SH3GL2: variants seen among roughly 807,000 people sequenced by gnomAD.
The protein encoded by SH3GL2 is endophilin-A1.
Under a neutral mutation model 46.0 loss-of-function variants are expected in SH3GL2, and 24 were observed. That is an observed-to-expected ratio of 0.52 (90% CI 0.38 to 0.73). The LOEUF is 0.73. Among genes scored for constraint, SH3GL2 ranks in the 30% least tolerant of loss-of-function variants. The probability of loss-of-function intolerance (pLI) is 0.00; values close to 1 mark genes in which losing one functional copy is unlikely to be tolerated. For missense variants in SH3GL2, 413 were observed against 424.2 expected (o/e 0.97, Z 0.23); for synonymous variants, 196 against 147.1 (o/e 1.33, Z -2.40).
intron 1 of SH3GL2, among the ~76,000 whole-genome samples, chr9:17,690,753 A>T (rs1287366797): frequency 6.6e-6 from 1 of 152,156 alleles, no homozygotes; most frequent in African/African-American, 2.4e-5. Flanking sequence ...AGGGGCACCT[A>T]TGTGAATAAA....
chr9:17,580,869 A>G (rs1291998731), intron 1 of SH3GL2, among the ~76,000 whole-genome samples: 4 of 152,166 alleles, frequency 2.6e-5, no homozygotes, highest in Non-Finnish European at 2.9e-5. Context: ...CTTGGATTCT[A>G]AAGATTTCTT....
At chr9:17,730,148 A>T (rs551519190) in intron 1 of SH3GL2, among the ~76,000 whole-genome samples, 1 of 152,008 alleles carries the variant, frequency 6.6e-6, no homozygotes, top group Non-Finnish European at 1.5e-5. Flanking sequence ...GAGCAGTGTC[A>T]TGTACTTCTC....
chr9:17,779,568 T>A (rs1227877157), intron 3 of SH3GL2, among the ~76,000 whole-genome samples: 1 of 152,244 alleles, frequency 6.6e-6, no homozygotes, highest in East Asian at 1.9e-4. Context: ...AAGATTAAGG[T>A]AAATTGTTTG....
chr9:17,727,538 C>G (rs1283398590), intron 1 of SH3GL2, among the ~76,000 whole-genome samples: 1 of 152,180 alleles, frequency 6.6e-6, no homozygotes, highest in African/African-American at 2.4e-5. Flanking sequence ...AGACAGCTCC[C>G]TGAAGGCCAC....
At chr9:17,676,403 C>G (rs1459022331) in intron 1 of SH3GL2, among the ~76,000 whole-genome samples, 1 of 152,094 alleles carries the variant, frequency 6.6e-6, no homozygotes. Flanking sequence ...GTTAGGAGTT[C>G]AAGACCAGCC....
chr9:17,749,441 C>G (rs977067284), intron 2 of SH3GL2, among the ~76,000 whole-genome samples: 1 of 152,156 alleles, frequency 6.6e-6, no homozygotes, highest in Non-Finnish European at 1.5e-5. Context: ...TACTTTGATG[C>G]TCCTCCTTCC....
At chr9:17,679,706 G>C (rs149417659) in intron 1 of SH3GL2, among the ~76,000 whole-genome samples, 4,212 of 152,164 alleles carry the variant, frequency 0.028, 78 homozygotes, top group African/African-American at 0.034. Context: ...TGTCTTGTGC[G>C]AGTTTTCAAA....
chr9:17,751,312 T>A (rs1447828049), intron 2 of SH3GL2, among the ~76,000 whole-genome samples: 2 of 152,154 alleles, frequency 1.3e-5, no homozygotes, highest in African/African-American at 2.4e-5. Flanking sequence ...GTCATTATCT[T>A]CATACACTCA....
chr9:17,673,141 C>T (rs181103335), intron 1 of SH3GL2, among the ~76,000 whole-genome samples: 6 of 150,590 alleles, frequency 4.0e-5, no homozygotes, highest in Non-Finnish European at 7.4e-5. Context: ...CTCACCTTGA[C>T]TTTTTTTTTG....
intron 1 of SH3GL2, among the ~76,000 whole-genome samples, chr9:17,670,167 G>C (rs115366256): frequency 0.028 from 4,315 of 152,156 alleles, 189 homozygotes; most frequent in African/African-American, 0.099. Context: ...TGCTCAAAAA[G>C]GGGAGGTAGA....
At chr9:17,618,318 T>C (rs1000774259) in intron 1 of SH3GL2, among the ~76,000 whole-genome samples, 1 of 152,102 alleles carries the variant, frequency 6.6e-6, no homozygotes, top group Non-Finnish European at 1.5e-5. Context: ...AGTACCTCCA[T>C]TGATATACCC....
chr9:17,751,942 A>G (rs1327135528), intron 2 of SH3GL2, among the ~76,000 whole-genome samples: 1 of 152,178 alleles, frequency 6.6e-6, no homozygotes, highest in Non-Finnish European at 1.5e-5. Flanking sequence ...AAATTCAGTG[A>G]TGACAAGCTT....
intron 1 of SH3GL2, among the ~76,000 whole-genome samples, chr9:17,695,619 G>A (rs1253520621): frequency 6.6e-6 from 1 of 152,030 alleles, no homozygotes; most frequent in Admixed American, 6.6e-5. Context: ...GACTTTCTCT[G>A]TAAAAAGCCC....
intron 1 of SH3GL2, among the ~76,000 whole-genome samples, chr9:17,626,040 C>T (rs191178900): frequency 4.3e-4 from 65 of 152,310 alleles, no homozygotes; most frequent in African/African-American, 1.4e-3. Flanking sequence ...TCTTCCCTAC[C>T]TGAGCTGATG....
rs575067528 is a variant in SH3GL2 at position 17,772,015 on chromosome 9, C to T, written c.187+10506C>T. Reference sequence around the variant, plus strand: ...CTCATTACAGTATAACTCTTTCTGTCATTTCGTAATTGTTAGTGTGCAAAA... The same window carrying T: ...CTCATTACAGTATAACTCTTTCTGTTATTTCGTAATTGTTAGTGTGCAAAA... On this transcript the variant is annotated intron_variant, in intron 3 of 8. Transcript: ENST00000380607. 4.6e-5 allele frequency among the ~76,000 whole-genome samples: 7 copies of T among 152,244 alleles called. No homozygotes were observed. In the East Asian group the frequency reaches 1.4e-3, roughly 29 times the overall value.
At chr9:17,722,700 A>G (rs1281197845) in intron 1 of SH3GL2, among the ~76,000 whole-genome samples, 1 of 152,058 alleles carries the variant, frequency 6.6e-6, no homozygotes, top group African/African-American at 2.4e-5. Context: ...CGGAGTTTAC[A>G]TACCTCTGGA....
At chr9:17,760,745 A>C (rs1823146130) in intron 2 of SH3GL2, among the ~76,000 whole-genome samples, 1 of 152,190 alleles carries the variant, frequency 6.6e-6, no homozygotes, top group Non-Finnish European at 1.5e-5. Context: ...AGATGCTGAT[A>C]AGAAAAGGAT....
chr9:17,614,231 G>C (rs1178041673), intron 1 of SH3GL2, among the ~76,000 whole-genome samples: 1 of 127,198 alleles, frequency 7.9e-6, no homozygotes, highest in East Asian at 2.5e-4. Context: ...TCTCAGTCTT[G>C]ACAAAGTTGC....
At chr9:17,764,610 A>G (rs1369576776) in intron 3 of SH3GL2, among the ~76,000 whole-genome samples, 1 of 152,128 alleles carries the variant, frequency 6.6e-6, no homozygotes, top group Non-Finnish European at 1.5e-5. Flanking sequence ...GGCCAGGGGA[A>G]TCAGTAGGAT....
Sources: allele counts gnomAD v4.1 joint callset (sites outside exome capture counted in the v4.1 genomes callset), GRCh38; gene constraint gnomAD v4.1.1; transcripts MANE v1.5; gene names NCBI Gene and HGNC (gene_info 2026-07-23, HGNC 2026-07-21).